The following ZBTB4 variants were observed in gnomAD, a reference collection of about 807,000 sequenced individuals.
The protein encoded by ZBTB4 is zinc finger and BTB domain-containing protein 4.
A neutral mutation model predicts 59.8 loss-of-function variants in ZBTB4; 14 were observed. That is an observed-to-expected ratio of 0.23 (90% confidence interval 0.15 to 0.37). The LOEUF (loss-of-function observed/expected upper bound fraction) is 0.37, where lower values mean the gene tolerates loss of function less well. Ranked by LOEUF, ZBTB4 falls within the 10% of genes least tolerant of loss-of-function variation. ZBTB4 has a pLI of 1.00. For synonymous variants in ZBTB4, 587 were observed against 575.2 expected, an observed-to-expected ratio of 1.02 and a Z score of -0.29; for missense variants, 1,198 against 1,380.8, an observed-to-expected ratio of 0.87 and a Z score of 2.10.
At chr17:7,482,869 A>G, upstream of ZBTB4, 1 of 1,611,906 alleles carries the variant, frequency 6.2e-7, no homozygotes, top group Non-Finnish European at 8.5e-7. Context: ...TGGCCCTTAT[A>G]CTGCAGTATT....
In ZBTB4 at chr17:7,461,649, T is replaced by G; in HGVS notation, c.*291A>C. Reference sequence around the variant, plus strand: ...GCTGTGAGTAGAGATTCAGGTTAAGTATATTGCTCAGTTGCCCCAAGGGCT... The same window carrying G: ...GCTGTGAGTAGAGATTCAGGTTAAGGATATTGCTCAGTTGCCCCAAGGGCT... On this transcript the variant is annotated 3_prime_UTR_variant, in exon 4 of 4. Coordinates refer to ENST00000380599, the MANE Select transcript of ZBTB4 (RefSeq NM_001128833.2). The G allele has an allele frequency of 3.1e-6, 1 of 323,208 alleles. No homozygotes were observed. The highest frequency in any genetic ancestry group is 5.7e-6 in the Non-Finnish European group (1 of 176,412). The allele number at this position is 323,208 out of a possible 1,614,324, so 20.0% of individuals were successfully genotyped here. A position where few individuals can be genotyped will look rare whatever the true frequency, so the allele number is the denominator to read the frequency against.
chr17:7,462,264 C>T lies in ZBTB4; in HGVS notation c.2718G>A (p.Arg906=). 1 of 1,613,782 alleles carries T rather than the reference C, an allele frequency of 6.2e-7. No individual in the cohort carries two copies. Residue 906 remains arginine (R), a synonymous_variant, in exon 4 of 4, where the codon CGG becomes CGA. Coordinates refer to ENST00000380599, the MANE Select transcript of ZBTB4 (RefSeq NM_001128833.2). This position sits in a 1 kb window ranked among gnomAD's most constrained non-coding sequence, Gnocchi z 7.5. ...EGPVGAGEGD[R]MEGIGAAKVT... The stretch of plus-strand genomic sequence containing the variant: ...CTTTGGCAGCCCCTATCCCCTCCAT[C>T]CGGTCCCCCTCACCAGCCCCCACTG...
chr17:7,483,069 A>G, upstream of ZBTB4: 1 of 1,603,000 alleles, frequency 6.2e-7, no homozygotes, highest in East Asian at 2.2e-5. Context: ...GAAGACAAAC[A>G]TGGGAGGAGA....
rs2070028841 is a variant in ZBTB4 at position 7,462,085 on chromosome 17, C to T, written c.2897G>A (p.Gly966Glu). ...AGGATTCACTGCGTAGCCAAAGACC[C>T]CTGGTAGGAAGGGAAGGGCCCCCGC... is the stretch of plus-strand genomic sequence containing the variant. ...KGAGALPFLP[G>E]VFGYAVNPQA... The change falls in exon 4 of 4, where the codon GGG (glycine) becomes GAG (glutamate). Residue 966 changes from glycine (G) to glutamate (E), a missense_variant. By Grantham distance (98) the Gly-to-Glu change is moderately conservative. Coordinates refer to ENST00000380599, the MANE Select transcript of ZBTB4 (RefSeq NM_001128833.2). This position sits in a 1 kb window ranked among gnomAD's most constrained non-coding sequence, Gnocchi z 7.5. 2 of 1,603,380 alleles carry T rather than the reference C, an allele frequency of 1.2e-6. No homozygotes were observed. The highest frequency in any genetic ancestry group is 8.5e-7 in the Non-Finnish European group (1 of 1,174,148).
At chr17:7,482,391 G>A (rs1318894034), upstream of ZBTB4, 2 of 1,613,994 alleles carry the variant, frequency 1.2e-6, no homozygotes, top group Non-Finnish European at 1.7e-6. Flanking sequence ...GTTCGCAAAG[G>A]TTCTTCCACC....
chr17:7,463,044 C>A lies in ZBTB4; in HGVS notation c.1938G>T (p.Glu646Asp), dbSNP rs776304911. 1.9e-6 allele frequency: 3 copies of A among 1,608,982 alleles called. No homozygotes were observed. The highest frequency in any genetic ancestry group is 2.5e-6 in the Non-Finnish European group (3 of 1,178,042). The change falls in exon 4 of 4, where the codon GAG becomes GAT. Residue 646 changes from glutamate (E) to aspartate (D), a missense_variant. Transcript: ENST00000380599. Reference protein sequence around the residue: ...SEEDEEEEDEEEEEEDEEESK... With the variant: ...SEEDEEEEDEDEEEEDEEESK... ...ATTCCTCCTCATCCTCCTCCTCCTC[C>A]TCTTCGTCCTCCTCCTCTTCGTCCT...
At position 7,463,050 on chromosome 17, in the gene ZBTB4, G is replaced by T. The variant is rs975039538; in HGVS notation, c.1932C>A (p.Asp644Glu). 6.2e-7 allele frequency: 1 copy of T among 1,608,708 alleles called. No individual in the cohort carries two copies. ...EESEEDEEEE[D>E]EEEEEEDEEE... The stretch of plus-strand genomic sequence containing the variant: ...CCTCATCCTCCTCCTCCTCCTCTTC[G>T]TCCTCCTCCTCTTCGTCCTCCTCAC... Residue 644 changes from aspartate (D) to glutamate (E), a missense_variant, in exon 4 of 4, where the codon GAC (aspartate) becomes GAA (glutamate). Transcript: ENST00000380599.
Position 7,466,512 on chromosome 17 carries a change from G to A in ZBTB4, c.290C>T (p.Ser97Phe), listed in dbSNP as rs753935540. The change falls in exon 3 of 4, where the codon TCT becomes TTT. Residue 97 changes from serine (S) to phenylalanine (F), a missense_variant. Physicochemically the swap from Ser to Phe is radical, Grantham distance 155 (BLOSUM62 -2). Around this residue, in one of 9 missense-constraint regions of ZBTB4, gnomAD observed 83 missense variants for 76.5 expected, o/e 1.09. Coordinates refer to ENST00000380599, the MANE Select transcript of ZBTB4 (RefSeq NM_001128833.2). This position sits in a 1 kb window ranked among gnomAD's most constrained non-coding sequence, Gnocchi z 9.1. ...SSSSSSSSSS[S>F]SSSASSSSSS... ...AGAAGAAGAAGAAGCAGAGGAGGAA[G>A]AAGAGGAAGAAGACGAGGAAGAGGA... is the stretch of plus-strand genomic sequence containing the variant. The A allele has an allele frequency of 2.5e-6, 4 of 1,610,184 alleles. No individual in the cohort carries two copies. The highest frequency in any genetic ancestry group is 1.1e-5 in the South Asian group (1 of 90,556).
Position 7,466,914 on chromosome 17 carries a change from C to G in ZBTB4, c.-9-104G>C, listed in dbSNP as rs1221846570. On this transcript the variant is annotated intron_variant, in intron 2 of 3. Coordinates refer to ENST00000380599, the MANE Select transcript of ZBTB4 (RefSeq NM_001128833.2). The surrounding 1 kb of genome is among the most constrained non-coding windows in gnomAD (Gnocchi z 9.1). ...AGGATCAGGAGCTGCTGGTCAGAAA[C>G]TAGTGGAAGGCTGAATCACTTCTGG... The G allele has an allele frequency of 4.3e-5, 61 of 1,431,136 alleles. 2 individuals carry two copies. The highest frequency in any genetic ancestry group is 7.3e-6 in the Non-Finnish European group (8 of 1,095,142). The allele number at this position is 1,431,136 out of a possible 1,614,324, so 88.7% of individuals were successfully genotyped here.
chr17:7,477,084 T>A (rs1004121701), intron 1 of ZBTB4, among the ~76,000 whole-genome samples: 6 of 152,006 alleles, frequency 3.9e-5, no homozygotes, highest in Admixed American at 2.0e-4. Context: ...GAGGACAGAG[T>A]GGCCACATAT....
At position 7,462,059 on chromosome 17, in the gene ZBTB4, G is replaced by A; in HGVS notation, c.2923C>T (p.Gln975Ter). 1.9e-6 allele frequency: 3 copies of A among 1,599,858 alleles called. No individual in the cohort carries two copies. The highest frequency in any genetic ancestry group is 2.6e-6 in the Non-Finnish European group (3 of 1,172,782). ...GTTGGTGGGGCAGGGGGTGCTGCTT[G>A]AGGATTCACTGCGTAGCCAAAGACC... Reference protein sequence around the residue: ...PGVFGYAVNPQAAPPAPPTPP... With the variant: ...PGVFGYAVNP Residue 975 changes from glutamine to a stop codon, truncating the protein, a stop_gained, in exon 4 of 4, where the codon CAA becomes TAA. Coordinates refer to ENST00000380599, the MANE Select transcript of ZBTB4 (RefSeq NM_001128833.2). LOFTEE classifies it high-confidence loss of function. The surrounding 1 kb of genome is among the most constrained non-coding windows in gnomAD (Gnocchi z 7.5).
chr17:7,478,482 G>A (rs1344860844), intron 1 of ZBTB4, among the ~76,000 whole-genome samples: 3 of 152,024 alleles, frequency 2.0e-5, no homozygotes, highest in African/African-American at 2.4e-5. Flanking sequence ...CACCTCAGCA[G>A]GGCCACAGAA....
rs1303621534 is a variant in ZBTB4, at chr17:7,462,320, C to T, written c.2662G>A (p.Gly888Ser). The T allele has an allele frequency of 9.9e-6, 16 of 1,613,798 alleles. No homozygotes were observed. Among genetic ancestry groups the T allele is most frequent in the South Asian group, 4.4e-5 (4 of 91,086 alleles). ...TCACTCCCAGATTTTCCCCTGCCAC[C>T]GCCAGGTTCCCGGCCGCCCCCAATC... The part of the protein sequence containing the change: ...ALIGGGREPG[G>S]GRGKSGSEGP... Residue 888 changes from glycine to serine, a missense_variant, in exon 4 of 4, where the codon GGT becomes AGT. Around this residue, in one of 9 missense-constraint regions of ZBTB4, gnomAD observed 211 missense variants for 236.1 expected, o/e 0.89. Transcript: ENST00000380599. This position sits in a 1 kb window ranked among gnomAD's most constrained non-coding sequence, Gnocchi z 7.5.
At chr17:7,481,163 C>CAAAAAAAAAA (rs34984586), upstream of ZBTB4, among the ~76,000 whole-genome samples, 1 of 130,236 alleles carries the variant, frequency 7.7e-6, no homozygotes, top group Non-Finnish European at 1.6e-5. Flanking sequence ...AACTCCGTCC[C>CAAAAAAAAAA]AAAAAAAAAA....
At chr17:7,479,278 G>C (rs917082335) in intron 1 of ZBTB4, among the ~76,000 whole-genome samples, 178 bp downstream of exon 1, 11 of 150,902 alleles carry the variant, frequency 7.3e-5, no homozygotes, top group Non-Finnish European at 1.3e-4. Flanking sequence ...AGCGTCGTGC[G>C]CGCCCGGGGG....
Position 7,462,772 on chromosome 17 carries a change from G to A in ZBTB4, c.2210C>T (p.Thr737Ile). 1 of 1,602,548 alleles carries A rather than the reference G, an allele frequency of 6.2e-7. No individual in the cohort carries two copies. Among genetic ancestry groups the A allele is most frequent in the Non-Finnish European group, 8.5e-7 (1 of 1,179,836 alleles). ...TTGGTGCTTCCGCAGCTTTCTCAGG[G>A]TGGTGAAGGTCTGGGCACAGTCCCC... ...RCGDCAQTFT[T>I]LRKLRKHQEA... The change falls in exon 4 of 4, where the codon ACC becomes ATC. Residue 737 changes from threonine to isoleucine, a missense_variant. By Grantham distance (89) the Thr-to-Ile change is moderately conservative. Coordinates refer to ENST00000380599, the MANE Select transcript of ZBTB4 (RefSeq NM_001128833.2). This position sits in a 1 kb window ranked among gnomAD's most constrained non-coding sequence, Gnocchi z 7.5.
chr17:7,466,937 TG>T lies in ZBTB4; in HGVS notation c.-9-128del. Reference sequence around the variant, plus strand: ...AACTAGTGGAAGGCTGAATCACTTCTGGTCACAGAAGTCAGGGGTTGGCCCT... The same window carrying T: ...AACTAGTGGAAGGCTGAATCACTTCTGTCACAGAAGTCAGGGGTTGGCCCT... On this transcript the variant is annotated intron_variant, in intron 2 of 3. Coordinates refer to ENST00000380599, the MANE Select transcript of ZBTB4 (RefSeq NM_001128833.2). This position sits in a 1 kb window ranked among gnomAD's most constrained non-coding sequence, Gnocchi z 9.1. 1 of 1,419,756 alleles carries T rather than the reference TG, an allele frequency of 7.0e-7. No individual in the cohort carries two copies. Among genetic ancestry groups the T allele is most frequent in the South Asian group, 1.5e-5 (1 of 65,578 alleles). 87.9% of individuals were successfully genotyped at this position (1,419,756 alleles called of 1,614,324 possible). A position where few individuals can be genotyped will look rare whatever the true frequency, so the allele number is the denominator to read the frequency against.
At chr17:7,472,431 C>T (rs2150861229) in intron 1 of ZBTB4, among the ~76,000 whole-genome samples, 1 of 152,250 alleles carries the variant, frequency 6.6e-6, no homozygotes, top group East Asian at 1.9e-4. Context: ...CCTCGTGATC[C>T]ACCTGCCTTG....
rs1025021818 is a variant in ZBTB4 at position 7,466,844 on chromosome 17, C to T, written c.-9-34G>A. ...TGGGAGAAGAGGCCGGGTAGAGTCTCAGAGGCTGGGCAGAGGGCAGGGGCT... is the reference window on the plus strand; with the variant it reads ...TGGGAGAAGAGGCCGGGTAGAGTCTTAGAGGCTGGGCAGAGGGCAGGGGCT... On this transcript the variant is annotated intron_variant, in intron 2 of 3. Transcript: ENST00000380599. This position sits in a 1 kb window ranked among gnomAD's most constrained non-coding sequence, Gnocchi z 9.1. 2 of 1,487,942 alleles carry T rather than the reference C, an allele frequency of 1.3e-6. No homozygotes were observed. Among genetic ancestry groups the T allele is most frequent in the South Asian group, 2.6e-5 (2 of 76,548 alleles). 92.2% of individuals were successfully genotyped at this position (1,487,942 alleles called of 1,614,324 possible).
Sources: allele counts gnomAD v4.1 joint callset (sites outside exome capture counted in the v4.1 genomes callset), GRCh38; gene constraint gnomAD v4.1.1; regional missense constraint gnomAD v4.1.1; non-coding constraint Gnocchi (gnomAD v3.1); transcripts MANE v1.5; gene names NCBI Gene and HGNC (gene_info 2026-07-23, HGNC 2026-07-21).